Variants in PTPRG observed in about 807,000 individuals in gnomAD.
PTPRG encodes protein tyrosine phosphatase receptor type G, also known as receptor-type tyrosine-protein phosphatase gamma.
PTPRG carries 102 observed loss-of-function variants against 165.3 expected under a neutral mutation model. The observed-to-expected ratio is 0.62, with a 90% CI of 0.53 to 0.73. The LOEUF (loss-of-function observed/expected upper bound fraction) is 0.73, where lower values mean the gene tolerates loss of function less well. Among genes scored for constraint, PTPRG ranks in the 30% least tolerant of loss-of-function variants. PTPRG has a pLI of 0.00. For synonymous variants in PTPRG, 675 were observed against 669.5 expected (o/e 1.01, Z -0.13); for missense variants, 1,866 against 1,861.4 (o/e 1.00, Z -0.05).
intron 4 of PTPRG, among the ~76,000 whole-genome samples, chr3:62,063,883 A>T (rs1319570643): frequency 6.6e-6 from 1 of 152,150 alleles, no homozygotes; most frequent in Non-Finnish European, 1.5e-5. Flanking sequence ...GGTAAAAGAT[A>T]CATGAAGAGT....
intron 2 of PTPRG, among the ~76,000 whole-genome samples, chr3:61,860,107 G>C (rs897552076): frequency 6.6e-6 from 1 of 152,120 alleles, no homozygotes; most frequent in African/African-American, 2.4e-5. Flanking sequence ...GCTTAGTCCT[G>C]TTACTAAAGA....
intron 1 of PTPRG, among the ~76,000 whole-genome samples, chr3:61,655,035 C>T (rs546340973): frequency 6.6e-6 from 1 of 152,154 alleles, no homozygotes; most frequent in South Asian, 2.1e-4. Flanking sequence ...GATCCACCCA[C>T]CTCGGCTTCC....
rs1703103576 is a variant in PTPRG, at chr3:62,297,491, G to C, written c.*4184G>C. On this transcript the variant is annotated 3_prime_UTR_variant, in exon 30 of 30. Coordinates refer to ENST00000474889, the MANE Select transcript of PTPRG (RefSeq NM_002841.4). ...AAATTTGTTCAGGGGGAGGGGTTTT[G>C]TAACCTGAAATTTTTCCCTTTTTCT... The C allele has an allele frequency of 6.8e-6, 1 of 147,828 alleles. No individual in the cohort carries two copies. Among genetic ancestry groups the C allele is most frequent in the South Asian group, 2.1e-4 (1 of 4,658 alleles). The allele number at this position is 147,828 out of a possible 1,614,324, so 9.2% of individuals were successfully genotyped here.
intron 2 of PTPRG, among the ~76,000 whole-genome samples, chr3:61,935,322 G>C (rs2039458673): frequency 6.6e-6 from 1 of 152,160 alleles, no homozygotes; most frequent in Non-Finnish European, 1.5e-5. Context: ...AATACGTCCT[G>C]CTTCGTGTGC....
chr3:61,984,395 T>G (rs1197550072), intron 2 of PTPRG, among the ~76,000 whole-genome samples: 1 of 152,174 alleles, frequency 6.6e-6, no homozygotes, highest in East Asian at 1.9e-4. Context: ...CCTTCGTCTT[T>G]TGTGTTTGCA....
intron 5 of PTPRG, among the ~76,000 whole-genome samples, chr3:62,117,390 C>T (rs985235138): frequency 6.6e-6 from 1 of 152,124 alleles, no homozygotes. Context: ...ATAACTGTCA[C>T]GTTTCTCAGA....
At chr3:61,886,428 A>G (rs2038039080) in intron 2 of PTPRG, among the ~76,000 whole-genome samples, 1 of 152,120 alleles carries the variant, frequency 6.6e-6, no homozygotes, top group Non-Finnish European at 1.5e-5. Flanking sequence ...GTATTTTTGA[A>G]TATTTTGGTT....
At chr3:61,638,727 C>T (rs1338635136) in intron 1 of PTPRG, among the ~76,000 whole-genome samples, 2 of 151,168 alleles carry the variant, frequency 1.3e-5, no homozygotes, top group East Asian at 2.0e-4. Context: ...CGTGAGCCAC[C>T]GTGCCCAGCC....
rs187977794 is a variant in PTPRG at position 61,765,737 on chromosome 3, A to T, written c.190+16755A>T. Among the ~76,000 whole-genome samples, 116 of 152,354 alleles carry T rather than the reference A, an allele frequency of 7.6e-4. 1 individual carries two copies. In the East Asian group the frequency reaches 0.02, roughly 26 times the overall value. ...TTGATAAGGGTTACATAAATGTAGT[A>T]GTAATGGCCACAGATATCTTCCAGA... is the stretch of plus-strand genomic sequence containing the variant. On this transcript the variant is annotated intron_variant, in intron 2 of 29. Coordinates refer to ENST00000474889, the MANE Select transcript of PTPRG (RefSeq NM_002841.4).
chr3:61,766,420 T>A (rs1039298988), intron 2 of PTPRG, among the ~76,000 whole-genome samples: 2 of 152,162 alleles, frequency 1.3e-5, no homozygotes, highest in Non-Finnish European at 2.9e-5. Context: ...TTGGAGATAA[T>A]TTTTTCTTGT....
chr3:62,106,303 A>G (rs1418012438), intron 5 of PTPRG, among the ~76,000 whole-genome samples: 3 of 152,152 alleles, frequency 2.0e-5, no homozygotes, highest in South Asian at 4.1e-4. Flanking sequence ...GTTGGGTAGC[A>G]CCTTTGTGGT....
chr3:61,791,946 C>T (rs1224437159), intron 2 of PTPRG, among the ~76,000 whole-genome samples: 1 of 152,096 alleles, frequency 6.6e-6, no homozygotes, highest in Admixed American at 6.5e-5. Flanking sequence ...TAATGATGTG[C>T]AGAGTTTTAA....
intron 5 of PTPRG, among the ~76,000 whole-genome samples, chr3:62,102,162 A>G (rs1175437017): frequency 1.3e-5 from 2 of 152,030 alleles, no homozygotes; most frequent in African/African-American, 4.8e-5. Flanking sequence ...TTTCTTATCC[A>G]TTTTTGCATC....
chr3:61,677,330 C>T (rs1395190401), intron 1 of PTPRG, among the ~76,000 whole-genome samples: 2 of 152,020 alleles, frequency 1.3e-5, no homozygotes, highest in African/African-American at 2.4e-5. Context: ...TGGCACCTAC[C>T]TTAAACAACT....
chr3:61,974,157 T>A (rs1423787348), intron 2 of PTPRG, among the ~76,000 whole-genome samples: 2 of 152,332 alleles, frequency 1.3e-5, no homozygotes, highest in East Asian at 1.9e-4. Flanking sequence ...TATTTTTTAA[T>A]CTTTTGATAC....
intron 16 of PTPRG, chr3:62,262,496 A>G (rs1701730121): frequency 4.7e-6 from 1 of 211,158 alleles, no homozygotes; most frequent in Non-Finnish European, 9.3e-6. Context: ...CTTTTTGAAT[A>G]TTTTTCTCAC....
Position 61,788,303 on chromosome 3 carries a change from G to T in PTPRG, c.190+39321G>T, listed in dbSNP as rs116893861. Among the ~76,000 whole-genome samples, 4 of 152,230 alleles carry T rather than the reference G, an allele frequency of 2.6e-5. No homozygotes were observed. In the East Asian group the frequency reaches 7.7e-4, roughly 29 times the overall value. The stretch of plus-strand genomic sequence containing the variant: ...TCACTTCTCAACCAGAGTACACAGG[G>T]TTACAGAGGGAACTAATTTTATTGA... On this transcript the variant is annotated intron_variant, in intron 2 of 29. Transcript: ENST00000474889.
intron 8 of PTPRG, among the ~76,000 whole-genome samples, chr3:62,184,862 C>T (rs1055288383): frequency 6.6e-6 from 1 of 152,134 alleles, no homozygotes; most frequent in African/African-American, 2.4e-5. Context: ...CAATATTTGG[C>T]CAGTTGCGTC....
intron 1 of PTPRG, among the ~76,000 whole-genome samples, chr3:61,713,198 G>T (rs1338303653): frequency 6.8e-6 from 1 of 146,646 alleles, no homozygotes; most frequent in Non-Finnish European, 1.5e-5. Flanking sequence ...GTGTCACTCT[G>T]TTACCAGGCT....
Sources: allele counts gnomAD v4.1 joint callset (sites outside exome capture counted in the v4.1 genomes callset), GRCh38; gene constraint gnomAD v4.1.1; transcripts MANE v1.5; gene names NCBI Gene and HGNC (gene_info 2026-07-23, HGNC 2026-07-21).